ZCCHC7: variants seen among roughly 807,000 people sequenced by gnomAD.
ZCCHC7 encodes zinc finger CCHC-type containing 7, also known as zinc finger CCHC domain-containing protein 7.
Under a neutral mutation model 52.0 loss-of-function variants are expected in ZCCHC7, and 35 were observed. That is an observed-to-expected ratio of 0.67 (90% CI 0.51 to 0.89). The LOEUF (loss-of-function observed/expected upper bound fraction) is 0.89. Ranked by LOEUF, ZCCHC7 falls within the 40% of genes least tolerant of loss-of-function variation. ZCCHC7 has a pLI of 0.00. For missense variants in ZCCHC7, 574 were observed against 649.1 expected (o/e 0.88, Z 1.26); for synonymous variants, 217 against 221.5 (o/e 0.98, Z 0.18).
At chr9:37,278,041 GTTT>G (rs1287387249) in intron 2 of ZCCHC7, among the ~76,000 whole-genome samples, 4 of 141,552 alleles carry the variant, frequency 2.8e-5, no homozygotes, top group Non-Finnish European at 4.8e-5. Context: ...TGTGTGTTTT[GTTT>G]TGTTTTGTTT....
chr9:37,143,217 G>A (rs1051588929), intron 2 of ZCCHC7, among the ~76,000 whole-genome samples: 3 of 151,630 alleles, frequency 2.0e-5, no homozygotes, highest in African/African-American at 7.3e-5. Flanking sequence ...TTTTGGCAGT[G>A]GGTGGAAGAT....
chr9:37,196,314 T>C (rs779644332), intron 2 of ZCCHC7, among the ~76,000 whole-genome samples: 7 of 152,218 alleles, frequency 4.6e-5, no homozygotes, highest in Non-Finnish European at 7.3e-5. Context: ...AGTGAAACTT[T>C]ATCTGTAGAT....
rs1248583393 is a variant in ZCCHC7, at chr9:37,356,933, T to C, written c.1297T>C (p.Ser433Pro). 6.2e-7 allele frequency: 1 copy of C among 1,613,722 alleles called. No individual in the cohort carries two copies. Among genetic ancestry groups the C allele is most frequent in the Non-Finnish European group, 8.5e-7 (1 of 1,179,914 alleles). Reference protein sequence around the residue: ...PHHDIRKGRASWKSNRWPQEN... With the variant: ...PHHDIRKGRAPWKSNRWPQEN... ...CCATGATATAAGGAAGGGCCGTGCC[T>C]CATGGAAAAGCAACAGGTGGCCTCA... Residue 433 changes from serine to proline, a missense_variant, in exon 9 of 9, where the codon TCA becomes CCA. This residue lies in a region of ZCCHC7 where 168 missense variants were observed against 171.6 expected (regional missense o/e 0.98). Coordinates refer to ENST00000336755, the MANE Select transcript of ZCCHC7 (RefSeq NM_032226.3).
At chr9:37,191,355 G>C (rs1037316614) in intron 2 of ZCCHC7, among the ~76,000 whole-genome samples, 12 of 152,040 alleles carry the variant, frequency 7.9e-5, no homozygotes, top group Admixed American at 1.3e-4. Context: ...CCAGTATATT[G>C]TTTTGAAAGT....
rs200010088 is a variant in ZCCHC7, at chr9:37,305,573, G to A, written c.810G>A (p.Arg270=). 6.2e-7 allele frequency: 1 copy of A among 1,613,992 alleles called. No homozygotes were observed. Among genetic ancestry groups the A allele is most frequent in the Non-Finnish European group, 8.5e-7 (1 of 1,179,996 alleles). ...RKVRRCFLCS[R]RGHLLYSCPA... ...TTCGTCGCTGCTTCCTGTGCTCCAG[G>A]AGAGGACATCTCCTGTATTCCTGTC... Residue 270 remains arginine (R), a synonymous_variant, in exon 5 of 9, where the codon AGG becomes AGA. Coordinates refer to ENST00000336755, the MANE Select transcript of ZCCHC7 (RefSeq NM_032226.3).
chr9:37,192,472 A>G (rs1823067912), intron 2 of ZCCHC7, among the ~76,000 whole-genome samples: 1 of 152,232 alleles, frequency 6.6e-6, no homozygotes, highest in Non-Finnish European at 1.5e-5. Flanking sequence ...ATGTAGAAAT[A>G]TATGGAAGAA....
intron 1 of ZCCHC7, among the ~76,000 whole-genome samples, chr9:37,125,307 C>T (rs926639655): frequency 2.0e-4 from 30 of 152,198 alleles, no homozygotes; most frequent in African/African-American, 7.2e-4. Flanking sequence ...TTTGCACTGC[C>T]ATGCCTGGCT....
intron 2 of ZCCHC7, among the ~76,000 whole-genome samples, chr9:37,174,280 G>T (rs1821897303): frequency 6.6e-6 from 1 of 152,136 alleles, no homozygotes; most frequent in Non-Finnish European, 1.5e-5. Flanking sequence ...CTGCACTCCA[G>T]CCTCTAGTCT....
intron 2 of ZCCHC7, among the ~76,000 whole-genome samples, chr9:37,202,619 C>T (rs974837764): frequency 1.3e-5 from 2 of 152,034 alleles, no homozygotes; most frequent in East Asian, 1.9e-4. Flanking sequence ...GTAGCTAGGA[C>T]TCAGTTGTGA....
intron 2 of ZCCHC7, among the ~76,000 whole-genome samples, chr9:37,135,836 C>T (rs1476921033): frequency 6.6e-6 from 1 of 152,002 alleles, no homozygotes; most frequent in Non-Finnish European, 1.5e-5. Context: ...CCTTTTTCTC[C>T]CAAAACTATA....
intron 6 of ZCCHC7, among the ~76,000 whole-genome samples, chr9:37,346,906 G>T (rs1821011023): frequency 1.3e-5 from 2 of 152,146 alleles, no homozygotes; most frequent in Admixed American, 6.5e-5. Context: ...TGAACTGGGA[G>T]GATCGCCTGA....
At chr9:37,350,891 A>G (rs956214622) in intron 7 of ZCCHC7, among the ~76,000 whole-genome samples, 3 of 152,258 alleles carry the variant, frequency 2.0e-5, no homozygotes, top group African/African-American at 7.2e-5. Context: ...AGTAGCCTAG[A>G]AACCAAGATA....
intron 7 of ZCCHC7, among the ~76,000 whole-genome samples, chr9:37,353,662 TTTAA>T (rs1215340381): frequency 2.0e-5 from 3 of 152,270 alleles, no homozygotes; most frequent in Admixed American, 2.0e-4. Context: ...AATATAGGTT[TTTAA>T]TTATTTTTTT....
At chr9:37,348,582 G>T (rs2118597482) in intron 6 of ZCCHC7, among the ~76,000 whole-genome samples, 1 of 152,142 alleles carries the variant, frequency 6.6e-6, no homozygotes, top group East Asian at 1.9e-4. Flanking sequence ...GTTTCACCAT[G>T]CTGGCCAGGC....
At chr9:37,297,178 T>G (rs527630004) in intron 2 of ZCCHC7, among the ~76,000 whole-genome samples, 1 of 152,364 alleles carries the variant, frequency 6.6e-6, no homozygotes, top group East Asian at 1.9e-4. Context: ...TTTGTCCTTT[T>G]TAAAAGCTTG....
intron 2 of ZCCHC7, among the ~76,000 whole-genome samples, chr9:37,230,625 C>T (rs1157352832): frequency 6.6e-6 from 1 of 151,948 alleles, no homozygotes; most frequent in Admixed American, 6.6e-5. Context: ...ATTTTCTACT[C>T]AATATTTTTT....
At chr9:37,186,915 A>G (rs1822690542) in intron 2 of ZCCHC7, 2 of 326,004 alleles carry the variant, frequency 6.1e-6, no homozygotes, top group East Asian at 4.4e-5. Context: ...GGCACTTGAT[A>G]GGTGCTTTGA....
intron 5 of ZCCHC7, among the ~76,000 whole-genome samples, chr9:37,309,276 T>G (rs929025327): frequency 6.6e-6 from 1 of 152,282 alleles, no homozygotes; most frequent in Middle Eastern, 3.4e-3. Flanking sequence ...AGAATTCACA[T>G]GGAAGCCGAG....
rs879095852 is a variant in ZCCHC7 at position 37,358,081 on chromosome 9, A to G, written c.*813A>G. 2 of 152,196 alleles carry G rather than the reference A, an allele frequency of 1.3e-5. No individual in the cohort carries two copies. The highest frequency in any genetic ancestry group is 2.9e-5 in the Non-Finnish European group (2 of 68,022). The allele number at this position is 152,196 out of a possible 1,614,324, so 9.4% of individuals were successfully genotyped here. On this transcript the variant is annotated 3_prime_UTR_variant, in exon 9 of 9. Transcript: ENST00000336755. The stretch of plus-strand genomic sequence containing the variant: ...CGCAAAGCTATACAGATTTTTTTGT[A>G]CTTGTGGATCTTTTGTACTTCTCAT...
Sources: gnomAD v4.1 joint callset for allele counts (sites outside exome capture counted in the v4.1 genomes callset) on GRCh38, gnomAD v4.1.1 for gene constraint, gnomAD v4.1.1 regional missense constraint, MANE v1.5 for transcripts, NCBI Gene and HGNC (gene_info 2026-07-23, HGNC 2026-07-21) for gene names.